The following ST8SIA2 variants were observed in gnomAD, a reference collection of about 807,000 sequenced individuals.
ST8SIA2 encodes alpha-2,8-sialyltransferase 8B.
In ST8SIA2, 22 loss-of-function variants were observed where a neutral mutation model predicts 37.6. That is an observed-to-expected ratio of 0.58 (90% CI 0.42 to 0.83). The LOEUF (loss-of-function observed/expected upper bound fraction) is 0.83, where lower values mean the gene tolerates loss of function less well. ST8SIA2 is among the 40% of genes least tolerant of loss of function. The probability of loss-of-function intolerance (pLI) is 0.00; values close to 1 mark genes in which losing one functional copy is unlikely to be tolerated. For synonymous variants in ST8SIA2, 205 were observed against 201.2 expected, an observed-to-expected ratio of 1.02 and a Z score of -0.16; for missense variants, 382 against 484.7, an observed-to-expected ratio of 0.79 and a Z score of 1.99.
intron 1 of ST8SIA2, among the ~76,000 whole-genome samples, chr15:92,403,374 C>A (rs1331008222): frequency 6.6e-6 from 1 of 152,184 alleles, no homozygotes; most frequent in African/African-American, 2.4e-5. Flanking sequence ...ATCCCGTTTT[C>A]TGTACCATGC....
At chr15:92,459,660 C>T (rs530861680) in intron 5 of ST8SIA2, among the ~76,000 whole-genome samples, 8 of 152,224 alleles carry the variant, frequency 5.3e-5, no homozygotes, top group African/African-American at 1.4e-4. Context: ...AGGGCAATGG[C>T]GCAGTCTTGT....
intron 4 of ST8SIA2, among the ~76,000 whole-genome samples, chr15:92,439,911 C>T (rs1370879300): frequency 6.6e-6 from 1 of 150,996 alleles, no homozygotes; most frequent in African/African-American, 2.4e-5. Flanking sequence ...CCCAAGGGGT[C>T]GGATCCTCTC....
intron 1 of ST8SIA2, among the ~76,000 whole-genome samples, chr15:92,402,672 A>C (rs2049479971): frequency 6.6e-6 from 1 of 152,150 alleles, no homozygotes; most frequent in South Asian, 2.1e-4. Context: ...TGGCAGCCAA[A>C]AGATCAGTAC....
At chr15:92,426,674 A>G (rs576930566) in intron 1 of ST8SIA2, among the ~76,000 whole-genome samples, 4 of 152,240 alleles carry the variant, frequency 2.6e-5, no homozygotes, top group Non-Finnish European at 5.9e-5. Context: ...CAAAGTGTAC[A>G]AAGTTTCAGA....
chr15:92,395,676 A>G lies in ST8SIA2; in HGVS notation c.98+1514A>G, dbSNP rs1234617748. Among the ~76,000 whole-genome samples, 3 of 152,204 alleles carry G rather than the reference A, an allele frequency of 2.0e-5. No individual in the cohort carries two copies. The South Asian group carries it at 6.2e-4, about 32-fold the overall frequency. On this transcript the variant is annotated intron_variant, in intron 1 of 5. Transcript: ENST00000268164. ...GCTCGCCTCAGAAACGTGGATTGGA[A>G]AGGAAATCGGGCAAGTCACGTCTTG...
intron 1 of ST8SIA2, among the ~76,000 whole-genome samples, chr15:92,412,720 C>T (rs781132919): frequency 2.5e-4 from 38 of 152,088 alleles, no homozygotes; most frequent in Non-Finnish European, 4.7e-4. Flanking sequence ...TGCAGTGGTG[C>T]GATCTTGGCT....
At chr15:92,437,828 A>G (rs575299837) in intron 3 of ST8SIA2, among the ~76,000 whole-genome samples, 2 of 152,310 alleles carry the variant, frequency 1.3e-5, no homozygotes, top group East Asian at 3.9e-4. Flanking sequence ...AAATCTAGGA[A>G]GTGTGGGAGT....
rs191241102 is a variant in ST8SIA2, at chr15:92,406,634, C to G, written c.98+12472C>G. On this transcript the variant is annotated intron_variant, in intron 1 of 5. Transcript: ENST00000268164. ...GCCCATCACACCAGGGGTAGCCTGT[C>G]AGTGTAGCTCCACTGCCCATCACAG... 4.6e-5 allele frequency among the ~76,000 whole-genome samples: 7 copies of G among 152,342 alleles called. No homozygotes were observed. The East Asian group carries it at 1.3e-3, about 29-fold the overall frequency.
At chr15:92,406,280 TG>T (rs1255167666) in intron 1 of ST8SIA2, among the ~76,000 whole-genome samples, 2 of 152,186 alleles carry the variant, frequency 1.3e-5, no homozygotes, top group Non-Finnish European at 2.9e-5. Context: ...CTGGAGTTTC[TG>T]TTTCCACAGG....
intron 5 of ST8SIA2, among the ~76,000 whole-genome samples, chr15:92,463,252 G>A (rs553808865): frequency 1.8e-4 from 28 of 152,280 alleles, no homozygotes; most frequent in Non-Finnish European, 2.4e-4. Flanking sequence ...GTTTCCTCTC[G>A]TAACCCTTTA....
chr15:92,456,885 C>T (rs187493587), intron 5 of ST8SIA2, among the ~76,000 whole-genome samples: 9 of 152,318 alleles, frequency 5.9e-5, no homozygotes, highest in South Asian at 2.1e-4. Context: ...CTTAGGCAGG[C>T]AGGGAGGCCT....
At chr15:92,442,999 C>G (rs1009059944) in intron 4 of ST8SIA2, among the ~76,000 whole-genome samples, 1 of 152,114 alleles carries the variant, frequency 6.6e-6, no homozygotes, top group African/African-American at 2.4e-5. Context: ...AAAAAAAGAG[C>G]TGACCTATGT....
At chr15:92,414,533 T>G (rs1280062182) in intron 1 of ST8SIA2, among the ~76,000 whole-genome samples, 1 of 152,234 alleles carries the variant, frequency 6.6e-6, no homozygotes, top group Non-Finnish European at 1.5e-5. Context: ...CTGTCAATCT[T>G]GGCATGCGAT....
At chr15:92,443,686 A>G (rs3784732) in intron 4 of ST8SIA2, among the ~76,000 whole-genome samples, 30,127 of 151,930 alleles carry the variant, frequency 0.2, 4,125 homozygotes, top group African/African-American at 0.39. Flanking sequence ...AATATGCTCC[A>G]GTCGGACCAG....
chr15:92,419,034 C>CA (rs889653911), intron 1 of ST8SIA2, among the ~76,000 whole-genome samples: 1 of 152,236 alleles, frequency 6.6e-6, no homozygotes, highest in Admixed American at 6.5e-5. Context: ...TTTGCCTCCC[C>CA]ACTCCCAGAG....
chr15:92,446,518 T>C (rs1407207594), intron 5 of ST8SIA2, among the ~76,000 whole-genome samples: 2 of 152,238 alleles, frequency 1.3e-5, no homozygotes, highest in Non-Finnish European at 2.9e-5. Context: ...CTTACACACA[T>C]TCATTCTGCA....
chr15:92,413,928 A>G (rs1463211338), intron 1 of ST8SIA2, among the ~76,000 whole-genome samples: 1 of 152,210 alleles, frequency 6.6e-6, no homozygotes, highest in Non-Finnish European at 1.5e-5. Flanking sequence ...GGCACCGTCT[A>G]TAGGCACCAG....
intron 1 of ST8SIA2, among the ~76,000 whole-genome samples, chr15:92,426,352 G>T (rs1477656240): frequency 6.6e-6 from 1 of 152,172 alleles, no homozygotes; most frequent in African/African-American, 2.4e-5. Flanking sequence ...CGGGCTGGTG[G>T]AACCGGGGGT....
chr15:92,458,465 C>A (rs557101286), intron 5 of ST8SIA2, among the ~76,000 whole-genome samples: 4 of 152,308 alleles, frequency 2.6e-5, no homozygotes, highest in Admixed American at 6.5e-5. Context: ...ATGCACTGAG[C>A]AAGATGCCTT....
Sources: gnomAD v4.1 joint callset for allele counts (sites outside exome capture counted in the v4.1 genomes callset) on GRCh38, gnomAD v4.1.1 for gene constraint, MANE v1.5 for transcripts, NCBI Gene and HGNC (gene_info 2026-07-23, HGNC 2026-07-21) for gene names.